The following POLE2 variants were observed in gnomAD, a reference collection of about 807,000 sequenced individuals.
POLE2 encodes the protein DNA polymerase epsilon 2, accessory subunit.
A neutral mutation model predicts 79.4 loss-of-function variants in POLE2; 56 were observed. That is an observed-to-expected ratio of 0.71 (90% CI 0.57 to 0.88). POLE2 has a LOEUF of 0.88. Ranked by LOEUF, POLE2 falls within the 40% of genes least tolerant of loss-of-function variation. POLE2 has a pLI of 0.00. For synonymous variants in POLE2, 212 were observed against 214.0 expected, an observed-to-expected ratio of 0.99 and a Z score of 0.08; for missense variants, 598 against 638.9, an observed-to-expected ratio of 0.94 and a Z score of 0.69.
chr14:49,673,712 T>C (rs1483613799), intron 5 of POLE2, among the ~76,000 whole-genome samples: 1 of 152,232 alleles, frequency 6.6e-6, no homozygotes, highest in Non-Finnish European at 1.5e-5. Flanking sequence ...AGAGTCAGGC[T>C]GGATTAAAAT....
At chr14:49,676,097 T>C (rs1886258124) in intron 3 of POLE2, among the ~76,000 whole-genome samples, 1 of 152,042 alleles carries the variant, frequency 6.6e-6, no homozygotes, top group Non-Finnish European at 1.5e-5. Flanking sequence ...AGTTACACAA[T>C]GGAAAAAGAG....
intron 6 of POLE2, among the ~76,000 whole-genome samples, chr14:49,668,194 T>C (rs568126038): frequency 1.3e-5 from 2 of 152,032 alleles, no homozygotes; most frequent in East Asian, 1.9e-4. Flanking sequence ...TGCTTGAACC[T>C]GGGAAGCGGA....
chr14:49,657,840 T>C (rs1393736468), intron 10 of POLE2, among the ~76,000 whole-genome samples: 1 of 152,240 alleles, frequency 6.6e-6, no homozygotes, highest in African/African-American at 2.4e-5. Flanking sequence ...TTTGTACTTA[T>C]ATATACATGG....
intron 11 of POLE2, 104 bp from the exon 12 acceptor site, chr14:49,655,198 A>G (rs1884565100): frequency 5.3e-6 from 2 of 377,084 alleles, no homozygotes; most frequent in African/African-American, 2.1e-5. Context: ...TTTTAATTAA[A>G]ATAACATTTT....
intron 1 of POLE2, 36 bp downstream of exon 1, chr14:49,688,100 T>C (rs1240553527): frequency 1.5e-5 from 22 of 1,505,014 alleles, no homozygotes; most frequent in Non-Finnish European, 2.0e-5. Flanking sequence ...CCCCAGCTCT[T>C]CCCTCTCGCC....
At chr14:49,653,116 C>T (rs1019057413) in intron 15 of POLE2, among the ~76,000 whole-genome samples, 4 of 152,196 alleles carry the variant, frequency 2.6e-5, no homozygotes, top group Admixed American at 1.3e-4. Flanking sequence ...TAGGGACACT[C>T]GTGGGGAGGA....
chr14:49,684,940 A>G (rs1887023634), intron 1 of POLE2, among the ~76,000 whole-genome samples: 1 of 151,846 alleles, frequency 6.6e-6, no homozygotes, highest in African/African-American at 2.4e-5. Flanking sequence ...TCGGGCCACT[A>G]CACTCCAGCC....
At chr14:49,669,799 A>C (rs1885744659) in intron 5 of POLE2, among the ~76,000 whole-genome samples, 1 of 152,196 alleles carries the variant, frequency 6.6e-6, no homozygotes, top group Admixed American at 6.6e-5. Context: ...AAATGTAAAA[A>C]TTTTAAAGGT....
At chr14:49,664,521 TAATTAATGGTATCCCA>T (rs1885335610) in intron 9 of POLE2, 89 bp downstream of exon 9, 1 of 771,086 alleles carries the variant, frequency 1.3e-6, no homozygotes. Context: ...TATGCTCTTC[TAATTAATGGTATCCCA>T]AATTATATCA....
chr14:49,673,300 T>G (rs1886025748), intron 5 of POLE2, among the ~76,000 whole-genome samples: 1 of 152,050 alleles, frequency 6.6e-6, no homozygotes. Flanking sequence ...TGCGACCGAG[T>G]TTCTCTGGTA....
rs190834725 is a variant in POLE2 at position 49,679,680 on chromosome 14, C to T, written c.245+45G>A. 187 of 937,020 alleles carry T rather than the reference C, an allele frequency of 2.0e-4. 1 individual carries two copies. The highest frequency in any genetic ancestry group is 5.1e-4 in the Admixed American group (25 of 49,130). The allele number at this position is 937,020 out of a possible 1,614,324, so 58.0% of individuals were successfully genotyped here. ...AAGACAATAATTAAAAATAAGTGCT[C>T]AATAACACCTCCAAGGAGGAAAAAA... On this transcript the variant is annotated intron_variant, in intron 3 of 18. Transcript: ENST00000216367.
At chr14:49,648,174 A>G (rs529454128) in intron 17 of POLE2, among the ~76,000 whole-genome samples, 9 of 152,204 alleles carry the variant, frequency 5.9e-5, no homozygotes, top group African/African-American at 2.2e-4. Context: ...CTACTATGAA[A>G]CTCTCACGTG....
Position 49,677,310 on chromosome 14 carries a change from G to A in POLE2, c.245+2415C>T, listed in dbSNP as rs543290646. On this transcript the variant is annotated intron_variant, in intron 3 of 18. Transcript: ENST00000216367. ...AGAGAGATATACTGTGGAATGGAGA[G>A]AAAGGCCGAAGGACGATGGCAACTT... 580 of 537,224 alleles carry A rather than the reference G, an allele frequency of 1.1e-3. 4 individuals carry two copies. Among genetic ancestry groups the A allele is most frequent in the African/African-American group, 0.01 (535 of 52,422 alleles). 33.3% of individuals were successfully genotyped at this position (537,224 alleles called of 1,614,324 possible).
At chr14:49,648,880 A>G (rs1000573797) in intron 17 of POLE2, among the ~76,000 whole-genome samples, 2 of 152,156 alleles carry the variant, frequency 1.3e-5, no homozygotes, top group Non-Finnish European at 2.9e-5. Context: ...CCTGGACTCA[A>G]GCCATCTTCC....
At chr14:49,665,857 G>A (rs1242115328) in intron 7 of POLE2, among the ~76,000 whole-genome samples, 4 of 151,708 alleles carry the variant, frequency 2.6e-5, no homozygotes, top group African/African-American at 4.8e-5. Context: ...ACAAAGTTTC[G>A]CTCTTGTTGC....
intron 3 of POLE2, among the ~76,000 whole-genome samples, chr14:49,676,525 T>C (rs950326177): frequency 1.1e-4 from 16 of 152,234 alleles, no homozygotes; most frequent in Admixed American, 7.9e-4. Context: ...TCTCTGACAA[T>C]TGAAGGTACA....
At chr14:49,658,906 T>TA (rs1884903750) in intron 10 of POLE2, among the ~76,000 whole-genome samples, 1 of 152,136 alleles carries the variant, frequency 6.6e-6, no homozygotes, top group Non-Finnish European at 1.5e-5. Context: ...CTTTTTTTTT[T>TA]AACTGTAAAA....
intron 3 of POLE2, among the ~76,000 whole-genome samples, chr14:49,675,225 C>G (rs1886187073): frequency 6.6e-6 from 1 of 151,908 alleles, no homozygotes; most frequent in African/African-American, 2.4e-5. Context: ...GGTGGGATTA[C>G]AGGCATGCAC....
intron 18 of POLE2, among the ~76,000 whole-genome samples, chr14:49,646,064 TGCCCTCAGGATATCCAGC>T (rs1883736169): frequency 6.6e-6 from 1 of 152,214 alleles, no homozygotes; most frequent in African/African-American, 2.4e-5. Context: ...CAAAATCAAG[TGCCCTCAGGATATCCAGC>T]GTAGACAAGT....
Sources: gnomAD v4.1 joint callset for allele counts (sites outside exome capture counted in the v4.1 genomes callset) on GRCh38, gnomAD v4.1.1 for gene constraint, MANE v1.5 for transcripts, NCBI Gene and HGNC (gene_info 2026-07-23, HGNC 2026-07-21) for gene names.